The following MEF2A variants were observed in gnomAD, a reference collection of about 807,000 sequenced individuals.
MEF2A encodes myocyte-specific enhancer factor 2A.
A neutral mutation model predicts 55.8 loss-of-function variants in MEF2A; 28 were observed. The ratio of observed to expected loss-of-function variants is 0.50; its 90% CI spans 0.37 to 0.69. The LOEUF (loss-of-function observed/expected upper bound fraction) is 0.69. Among genes scored for constraint, MEF2A ranks in the 30% least tolerant of loss-of-function variants. The probability of loss-of-function intolerance (pLI) is 0.00; values close to 1 mark genes in which losing one functional copy is unlikely to be tolerated. For synonymous variants in MEF2A, 239 were observed against 227.1 expected (o/e 1.05, Z -0.47); for missense variants, 528 against 626.2 (o/e 0.84, Z 1.67).
chr15:99,629,091 T>C (rs906203915), intron 2 of MEF2A, among the ~76,000 whole-genome samples: 2 of 152,140 alleles, frequency 1.3e-5, no homozygotes, highest in Non-Finnish European at 2.9e-5. Context: ...ATAACTCTTA[T>C]TGTTGCTTCT....
Position 99,671,337 on chromosome 15 carries a change from A to G in MEF2A, c.273A>G (p.Lys91=), listed in dbSNP as rs1184547969. The change falls in exon 5 of 12, where the codon AAA becomes AAG. Residue 91 remains lysine, a synonymous_variant. Transcript: ENST00000557942. ...NSDIVETLRK[K]GLNGCESPDA... is the part of the protein sequence containing the mutation. ...TTGTATTTCAGACTTTAAGAAAGAA[A>G]GGCCTTAATGGTTGTGAGAGCCCTG... The G allele has an allele frequency of 1.2e-6, 2 of 1,601,822 alleles. No individual in the cohort carries two copies. The highest frequency in any genetic ancestry group is 1.7e-6 in the Non-Finnish European group (2 of 1,171,690).
At chr15:99,710,243 TTTTTA>T (rs1173022953) in intron 10 of MEF2A, among the ~76,000 whole-genome samples, 5 of 152,282 alleles carry the variant, frequency 3.3e-5, no homozygotes, top group South Asian at 2.1e-4. Context: ...ATGTAGGAAC[TTTTTA>T]TTTTATTTTT....
At chr15:99,705,067 C>T (rs897228099) in intron 9 of MEF2A, among the ~76,000 whole-genome samples, 13 of 152,154 alleles carry the variant, frequency 8.5e-5, no homozygotes, top group African/African-American at 2.9e-4. Flanking sequence ...AAGCACAGTC[C>T]GTTACAACTT....
chr15:99,700,185 T>TACAC (rs371094810), intron 8 of MEF2A, among the ~76,000 whole-genome samples: 5,060 of 100,326 alleles, frequency 0.05, 303 homozygotes, highest in Non-Finnish European at 0.072. Context: ...TGTGTGTATA[T>TACAC]ATACACACAC....
chr15:99,666,039 A>G (rs1483679632), intron 4 of MEF2A, among the ~76,000 whole-genome samples: 1 of 152,178 alleles, frequency 6.6e-6, no homozygotes. Flanking sequence ...TGATTCCTCA[A>G]GGATCTAGAA....
At chr15:99,676,973 T>C (rs1415688835) in intron 7 of MEF2A, among the ~76,000 whole-genome samples, 1 of 151,912 alleles carries the variant, frequency 6.6e-6, no homozygotes, top group Non-Finnish European at 1.5e-5. Flanking sequence ...ATACAAAAAT[T>C]AGCCGGACGT....
chr15:99,608,277 G>T (rs897853064), intron 2 of MEF2A, among the ~76,000 whole-genome samples: 1 of 152,180 alleles, frequency 6.6e-6, no homozygotes, highest in Admixed American at 6.5e-5. Context: ...CACTGTGAAT[G>T]TAAGGTACTT....
At chr15:99,597,056 G>A (rs1971429967) in intron 1 of MEF2A, among the ~76,000 whole-genome samples, 1 of 152,144 alleles carries the variant, frequency 6.6e-6, no homozygotes, top group African/African-American at 2.4e-5. Context: ...TATACAGCAT[G>A]TGTGTTTGAG....
Position 99,689,043 on chromosome 15 carries a change from A to T in MEF2A, c.671-1198A>T, listed in dbSNP as rs532780925. Among the ~76,000 whole-genome samples the T allele has an allele frequency of 3.0e-4, 45 of 152,282 alleles. No homozygotes were observed. In the Middle Eastern group the frequency reaches 0.014, roughly 46 times the overall value. The stretch of plus-strand genomic sequence containing the variant: ...TGACTACAGTATTCATGAAAACAGG[A>T]TGGTTTCATACGTATTTTATATCTC... On this transcript the variant is annotated intron_variant, in intron 7 of 11. Coordinates refer to ENST00000557942, the MANE Select transcript of MEF2A (RefSeq NM_001319206.4).
chr15:99,689,118 A>C (rs1223413208), intron 7 of MEF2A, among the ~76,000 whole-genome samples: 2 of 152,198 alleles, frequency 1.3e-5, no homozygotes, highest in African/African-American at 4.8e-5. Flanking sequence ...CACAATGTGC[A>C]TTTTTCCTCA....
chr15:99,706,985 A>T (rs942861078), intron 10 of MEF2A, 130 bp downstream of exon 10: 7 of 1,198,470 alleles, frequency 5.8e-6, no homozygotes, highest in Non-Finnish European at 7.9e-6. Context: ...TTAAATTAGG[A>T]TGTATTTTTC....
At chr15:99,569,048 G>A (rs1960949270) in intron 1 of MEF2A, among the ~76,000 whole-genome samples, 3 of 152,146 alleles carry the variant, frequency 2.0e-5, no homozygotes, top group African/African-American at 7.2e-5. Flanking sequence ...CCTTTAAGCT[G>A]GATAACCTCG....
intron 3 of MEF2A, among the ~76,000 whole-genome samples, chr15:99,644,097 G>A (rs142475379): frequency 2.6e-5 from 4 of 152,122 alleles, no homozygotes; most frequent in African/African-American, 7.2e-5. Context: ...ATATTTGAGC[G>A]GTCATATAAT....
intron 4 of MEF2A, among the ~76,000 whole-genome samples, chr15:99,665,980 C>T (rs1235871858): frequency 6.6e-6 from 1 of 152,144 alleles, no homozygotes; most frequent in Non-Finnish European, 1.5e-5. Context: ...CACTTTTATA[C>T]TGCTGGTGGG....
intron 2 of MEF2A, among the ~76,000 whole-genome samples, chr15:99,613,515 T>G (rs1395526953): frequency 6.6e-6 from 1 of 152,232 alleles, no homozygotes; most frequent in Non-Finnish European, 1.5e-5. Flanking sequence ...CTCTAAGTCT[T>G]TAATAATTGA....
intron 1 of MEF2A, among the ~76,000 whole-genome samples, chr15:99,585,686 G>T (rs11632224): frequency 0.42 from 63,629 of 152,076 alleles, 14,815 homozygotes; most frequent in Middle Eastern, 0.61. Flanking sequence ...TCACTGTGCT[G>T]AGCACATTAC....
Position 99,621,861 on chromosome 15 carries a change from A to T in MEF2A, c.-142-11117A>T, listed in dbSNP as rs990437617. Among the ~76,000 whole-genome samples, 8 of 152,180 alleles carry T rather than the reference A, an allele frequency of 5.3e-5. No homozygotes were observed. The South Asian group carries it at 1.7e-3, about 32-fold the overall frequency. On this transcript the variant is annotated intron_variant, in intron 2 of 11. Transcript: ENST00000557942. ...TATTCCAAAAATCATTTGCTAGTTT[A>T]AAAAAAATTTTAATGTGTAGTTGAT... is the stretch of plus-strand genomic sequence containing the variant.
Position 99,714,976 on chromosome 15 carries a change from T to C in MEF2A, c.*2205T>C, listed in dbSNP as rs1015518339. 1.3e-5 allele frequency: 2 copies of C among 152,114 alleles called. No homozygotes were observed. Among genetic ancestry groups the C allele is most frequent in the Non-Finnish European group, 2.9e-5 (2 of 68,030 alleles). 9.4% of individuals were successfully genotyped at this position (152,114 alleles called of 1,614,324 possible). ...TCTGTTCTCATGGCAGTTTGGGCAGTAACTTTTGAGAGAGGCCAAAAAAAG... is the reference window on the plus strand; with the variant it reads ...TCTGTTCTCATGGCAGTTTGGGCAGCAACTTTTGAGAGAGGCCAAAAAAAG... On this transcript the variant is annotated 3_prime_UTR_variant, in exon 12 of 12. Coordinates refer to ENST00000557942, the MANE Select transcript of MEF2A (RefSeq NM_001319206.4).
chr15:99,603,649 C>T (rs1974110121), intron 2 of MEF2A, among the ~76,000 whole-genome samples: 2 of 150,674 alleles, frequency 1.3e-5, no homozygotes, highest in African/African-American at 4.9e-5. Context: ...GATCTGTCTG[C>T]CTTAGCCTCC....
Sources: allele counts gnomAD v4.1 joint callset (sites outside exome capture counted in the v4.1 genomes callset), GRCh38; gene constraint gnomAD v4.1.1; transcripts MANE v1.5; gene names NCBI Gene and HGNC (gene_info 2026-07-23, HGNC 2026-07-21).